ALDH1L1: variants seen among roughly 807,000 people sequenced by gnomAD.
The protein encoded by ALDH1L1 is cytosolic 10-formyltetrahydrofolate dehydrogenase.
In ALDH1L1, 68 loss-of-function variants were observed where a neutral mutation model predicts 101.1. That is an observed-to-expected ratio of 0.67 (90% CI 0.55 to 0.82). The LOEUF is 0.82. ALDH1L1 is among the 40% of genes least tolerant of loss of function. The pLI, the probability that ALDH1L1 is intolerant of heterozygous loss-of-function variation, is 0.00. For synonymous variants in ALDH1L1, 486 were observed against 470.8 expected, an observed-to-expected ratio of 1.03 and a Z score of -0.42; for missense variants, 1,087 against 1,172.7, an observed-to-expected ratio of 0.93 and a Z score of 1.07.
At chr3:126,180,721 G>A (rs1207909476), upstream of ALDH1L1, 2 of 1,399,234 alleles carry the variant, frequency 1.4e-6, no homozygotes, top group African/African-American at 1.4e-5. Flanking sequence ...CACCCTCTCC[G>A]GGCGGGTCTA....
intron 1 of ALDH1L1, among the ~76,000 whole-genome samples, chr3:126,188,385 G>C (rs2081533418): frequency 6.6e-6 from 1 of 152,134 alleles, no homozygotes; most frequent in Non-Finnish European, 1.5e-5. Context: ...CACGGGTTTT[G>C]GTATCCGCAG....
intron 1 of ALDH1L1, among the ~76,000 whole-genome samples, chr3:126,187,408 A>C (rs2081526624): frequency 6.6e-6 from 1 of 152,132 alleles, no homozygotes; most frequent in Non-Finnish European, 1.5e-5. Context: ...TGTTGGTACA[A>C]GATCCCCCCT....
chr3:126,130,195 C>A, intron 14 of ALDH1L1, 28 bp downstream of exon 14: 1 of 1,588,378 alleles, frequency 6.3e-7, no homozygotes, highest in Non-Finnish European at 8.6e-7. Context: ...CACCGCGAGG[C>A]TGCACCTCGC....
chr3:126,133,227 T>C (rs567921919), intron 12 of ALDH1L1, among the ~76,000 whole-genome samples: 1 of 152,314 alleles, frequency 6.6e-6, no homozygotes, highest in Non-Finnish European at 1.5e-5. Flanking sequence ...CCAGCAGTTG[T>C]TGCCCATTGA....
chr3:126,157,575 GC>G (rs2080940370), intron 3 of ALDH1L1, 67 bp from the exon 4 acceptor site: 1 of 1,538,342 alleles, frequency 6.5e-7, no homozygotes, highest in African/African-American at 1.4e-5. Flanking sequence ...CTGGGTACAG[GC>G]CCGTGGACCT....
Position 126,103,764 on chromosome 3 carries a change from G to C in ALDH1L1, c.*27C>G, listed in dbSNP as rs199914237. 4.0e-4 allele frequency: 652 copies of C among 1,611,374 alleles called. No homozygotes were observed. The highest frequency in any genetic ancestry group is 5.3e-4 in the Non-Finnish European group (626 of 1,178,722). Reference sequence around the variant, plus strand: ...GGCCCCAGCCACGAGGGAGGGGCAGGGACTTTCTTCTCACAAAGACCTTTC... The same window carrying C: ...GGCCCCAGCCACGAGGGAGGGGCAGCGACTTTCTTCTCACAAAGACCTTTC... On this transcript the variant is annotated 3_prime_UTR_variant, in exon 23 of 23. Coordinates refer to ENST00000393434, the MANE Select transcript of ALDH1L1 (RefSeq NM_012190.4).
chr3:126,109,735 C>T (rs1946014519), intron 20 of ALDH1L1, among the ~76,000 whole-genome samples: 1 of 152,180 alleles, frequency 6.6e-6, no homozygotes, highest in Non-Finnish European at 1.5e-5. Context: ...CTGAATAAAC[C>T]AGCACTGAAT....
intron 4 of ALDH1L1, among the ~76,000 whole-genome samples, chr3:126,156,895 C>T (rs1359609356): frequency 2.0e-5 from 3 of 152,162 alleles, no homozygotes; most frequent in Non-Finnish European, 4.4e-5. Flanking sequence ...AATTAGAATC[C>T]TTGAGCTATA....
intron 1 of ALDH1L1, among the ~76,000 whole-genome samples, chr3:126,167,806 A>G (rs2081198470): frequency 6.6e-6 from 1 of 152,114 alleles, no homozygotes; most frequent in Non-Finnish European, 1.5e-5. Flanking sequence ...ATTTCTACCT[A>G]AGCACTCACC....
chr3:126,174,618 AT>A (rs1559976839), intron 1 of ALDH1L1, among the ~76,000 whole-genome samples: 1 of 152,234 alleles, frequency 6.6e-6, no homozygotes, highest in Admixed American at 6.5e-5. Flanking sequence ...CATTAAAAAA[AT>A]GGAAACTAAA....
intron 17 of ALDH1L1, among the ~76,000 whole-genome samples, chr3:126,117,767 A>G (rs944182229): frequency 3.3e-5 from 5 of 152,036 alleles, no homozygotes; most frequent in Admixed American, 3.3e-4. Context: ...TACTCTCAGC[A>G]CCTCTCGATC....
chr3:126,130,796 A>G (rs1407950638), intron 13 of ALDH1L1, among the ~76,000 whole-genome samples: 1 of 152,222 alleles, frequency 6.6e-6, no homozygotes, highest in Non-Finnish European at 1.5e-5. Context: ...GGACCTCCCC[A>G]GGGAGCCTCT....
At chr3:126,162,248 C>G (rs187777034) in intron 1 of ALDH1L1, among the ~76,000 whole-genome samples, 13 of 152,310 alleles carry the variant, frequency 8.5e-5, no homozygotes, top group Non-Finnish European at 1.5e-4. Flanking sequence ...ATTCCTGGGT[C>G]ATAGGTGTGA....
chr3:126,159,164 A>G (rs913724835), intron 2 of ALDH1L1, among the ~76,000 whole-genome samples: 1 of 152,006 alleles, frequency 6.6e-6, no homozygotes, highest in African/African-American at 2.4e-5. Context: ...TCTCAGAGCA[A>G]TGGCTAAATC....
At chr3:126,150,611 G>A (rs2080790589) in intron 7 of ALDH1L1, 80 bp from the exon 8 acceptor site, 2 of 1,464,146 alleles carry the variant, frequency 1.4e-6, no homozygotes, top group Non-Finnish European at 1.8e-6. Flanking sequence ...CTGGAGTGCA[G>A]TGGTGCGATC....
intron 14 of ALDH1L1, among the ~76,000 whole-genome samples, chr3:126,126,718 C>T (rs982759898): frequency 6.6e-6 from 1 of 152,218 alleles, no homozygotes; most frequent in Admixed American, 6.5e-5. Flanking sequence ...AAAAGCCCCA[C>T]AATTATGTGC....
intron 21 of ALDH1L1, among the ~76,000 whole-genome samples, chr3:126,106,606 C>T (rs1191322071): frequency 6.6e-6 from 1 of 152,126 alleles, no homozygotes; most frequent in African/African-American, 2.4e-5. Context: ...AGCCTTTTGG[C>T]TTCCACCTGG....
chr3:126,149,606 C>T (rs1380008423), intron 8 of ALDH1L1, among the ~76,000 whole-genome samples: 1 of 152,214 alleles, frequency 6.6e-6, no homozygotes, highest in Admixed American at 6.5e-5. Flanking sequence ...TGGCTCTCAG[C>T]ACCTTTGGAT....
At chr3:126,126,439 G>C (rs940536239) in intron 14 of ALDH1L1, among the ~76,000 whole-genome samples, 5 of 152,176 alleles carry the variant, frequency 3.3e-5, no homozygotes, top group African/African-American at 4.8e-5. Flanking sequence ...CGTAGACCAC[G>C]CACAGGCTCC....
Sources: allele counts gnomAD v4.1 joint callset (sites outside exome capture counted in the v4.1 genomes callset), GRCh38; gene constraint gnomAD v4.1.1; transcripts MANE v1.5; gene names NCBI Gene and HGNC (gene_info 2026-07-23, HGNC 2026-07-21).